ABCC1: variants seen among roughly 807,000 people sequenced by gnomAD.
ABCC1 encodes multidrug resistance-associated protein 1.
In ABCC1, 83 loss-of-function variants were observed where a neutral mutation model predicts 172.9. The observed-to-expected ratio is 0.48, with a 90% CI of 0.40 to 0.58. The LOEUF is 0.58. Ranked by LOEUF, ABCC1 falls within the 20% of genes least tolerant of loss-of-function variation. The pLI, the probability that ABCC1 is intolerant of heterozygous loss-of-function variation, is 0.00. For missense variants in ABCC1, 1,817 were observed against 2,002.7 expected (o/e 0.91, Z 1.77); for synonymous variants, 937 against 825.2 (o/e 1.14, Z -2.32).
At chr16:16,101,199 T>C (rs972054961) in intron 19 of ABCC1, among the ~76,000 whole-genome samples, 1 of 151,898 alleles carries the variant, frequency 6.6e-6, no homozygotes, top group African/African-American at 2.4e-5. Context: ...GCCCAGCTAA[T>C]TTTTGTATTT....
intron 5 of ABCC1, among the ~76,000 whole-genome samples, chr16:16,030,857 T>C (rs997691): frequency 0.4 from 61,125 of 151,740 alleles, 13,921 homozygotes; most frequent in Non-Finnish European, 0.52. Context: ...AGTATTTTTT[T>C]AAATTTTATT....
chr16:15,949,750 G>T lies in ABCC1; in HGVS notation c.-2G>T. On this transcript the variant is annotated 5_prime_UTR_variant, in exon 1 of 31. Coordinates refer to ENST00000399410, the MANE Select transcript of ABCC1 (RefSeq NM_004996.4). ...GTGCCCGCCGCCGCCCGCGCCACCG[G>T]CATGGCGCTCCGGGGCTTCTGCAGC... The T allele has an allele frequency of 8.4e-7, 1 of 1,185,626 alleles. No individual in the cohort carries two copies. Among genetic ancestry groups the T allele is most frequent in the Non-Finnish European group, 1.0e-6 (1 of 956,178 alleles). The allele number at this position is 1,185,626 out of a possible 1,614,324, so 73.4% of individuals were successfully genotyped here.
At chr16:15,953,585 A>G (rs1466036834) in intron 1 of ABCC1, among the ~76,000 whole-genome samples, 1 of 152,156 alleles carries the variant, frequency 6.6e-6, no homozygotes, top group East Asian at 1.9e-4. Flanking sequence ...GCTGCTTGGC[A>G]CACAGCGCTC....
intron 26 of ABCC1, among the ~76,000 whole-genome samples, chr16:16,129,881 G>A (rs1308722945): frequency 1.3e-5 from 2 of 152,184 alleles, no homozygotes; most frequent in Non-Finnish European, 2.9e-5. Flanking sequence ...TGCATGTCTT[G>A]CCTAAAAGTT....
intron 1 of ABCC1, among the ~76,000 whole-genome samples, chr16:15,983,762 G>T (rs938995176): frequency 7.1e-6 from 1 of 139,992 alleles, no homozygotes; most frequent in Admixed American, 7.4e-5. Context: ...CATCATGTTG[G>T]CCAGGCTCCT....
intron 3 of ABCC1, among the ~76,000 whole-genome samples, chr16:16,012,682 C>T (rs1403614318): frequency 6.8e-6 from 1 of 146,460 alleles, no homozygotes; most frequent in Non-Finnish European, 1.5e-5. Flanking sequence ...ATTCCTTGTT[C>T]CTGGTCTTTT....
In ABCC1 at chr16:16,122,031, C is replaced by G; in HGVS notation, c.3447C>G (p.Ser1149=). 31 of 1,614,204 alleles carry G rather than the reference C, an allele frequency of 1.9e-5. No homozygotes were observed. Among genetic ancestry groups the G allele is most frequent in the Non-Finnish European group, 2.6e-5 (31 of 1,180,048 alleles). Residue 1149 remains serine, a synonymous_variant, in exon 24 of 31, where the codon TCC becomes TCG. Transcript: ENST00000399410. ...QLKRLESVSR[S]PVYSHFNETL... ...AGCGCCTCGAGTCGGTCAGCCGCTC[C>G]CCGGTCTATTCCCATTTCAACGAGA...
rs1259310742 is a variant in ABCC1 at position 16,098,924 on chromosome 16, G to A, written c.2645-3703G>A. 3 of 1,351,844 alleles carry A rather than the reference G, an allele frequency of 2.2e-6. No homozygotes were observed. The African/African-American group carries it at 4.4e-5, about 20-fold the overall frequency. The allele number at this position is 1,351,844 out of a possible 1,614,324, so 83.7% of individuals were successfully genotyped here. On this transcript the variant is annotated intron_variant, in intron 19 of 30. Transcript: ENST00000399410. ...GCAGGTCAGTACTGCCCGGGTTGGA[G>A]TTGGCTTGGCTCATAGAATGAGGCC...
intron 14 of ABCC1, among the ~76,000 whole-genome samples, chr16:16,073,799 C>A (rs34820524): frequency 0.11 from 17,052 of 152,182 alleles, 1,089 homozygotes; most frequent in Middle Eastern, 0.22. Context: ...AACTAACTTG[C>A]CTGTGGCTAC....
chr16:16,011,246 A>G (rs930930304), intron 3 of ABCC1, among the ~76,000 whole-genome samples: 3 of 148,740 alleles, frequency 2.0e-5, no homozygotes, highest in Non-Finnish European at 3.0e-5. Context: ...AAAGAAAAAG[A>G]AAAAAAAAAG....
chr16:15,995,993 T>C (rs957809701), intron 1 of ABCC1, among the ~76,000 whole-genome samples: 8 of 136,222 alleles, frequency 5.9e-5, no homozygotes, highest in Admixed American at 7.3e-5. Context: ...TTTTTTTTTT[T>C]TTTTTTTTTG....
intron 14 of ABCC1, among the ~76,000 whole-genome samples, chr16:16,074,671 C>T (rs62032005): frequency 0.06 from 9,108 of 152,292 alleles, 377 homozygotes; most frequent in Non-Finnish European, 0.092. Flanking sequence ...GCTAACCGTT[C>T]TCTGCAACCT....
At chr16:16,067,348 G>T (rs2050150250) in intron 12 of ABCC1, among the ~76,000 whole-genome samples, 1 of 152,166 alleles carries the variant, frequency 6.6e-6, no homozygotes, top group Non-Finnish European at 1.5e-5. Context: ...AACCAGCTCT[G>T]GCTTCCCGTG....
chr16:16,055,689 C>T (rs948722188), intron 11 of ABCC1, among the ~76,000 whole-genome samples: 2 of 152,002 alleles, frequency 1.3e-5, no homozygotes, highest in African/African-American at 4.8e-5. Context: ...TTCCTGGATT[C>T]TAAATTGAGT....
chr16:15,974,236 A>T (rs1321463564), intron 1 of ABCC1, among the ~76,000 whole-genome samples: 1 of 151,990 alleles, frequency 6.6e-6, no homozygotes, highest in East Asian at 1.9e-4. Context: ...TTTATTATTT[A>T]TTTTCTCCTG....
intron 5 of ABCC1, among the ~76,000 whole-genome samples, chr16:16,022,999 A>G (rs1303860853): frequency 6.6e-6 from 1 of 151,976 alleles, no homozygotes; most frequent in Non-Finnish European, 1.5e-5. Context: ...GCAGCCTCCA[A>G]CTCCTGGGCT....
At chr16:16,051,528 C>T (rs937138408) in intron 10 of ABCC1, among the ~76,000 whole-genome samples, 6 of 152,058 alleles carry the variant, frequency 3.9e-5, no homozygotes, top group African/African-American at 7.2e-5. Flanking sequence ...ACACATGGGG[C>T]GGTGTTCAAG....
At chr16:16,117,671 C>T (rs570746575) in intron 23 of ABCC1, among the ~76,000 whole-genome samples, 38 of 152,228 alleles carry the variant, frequency 2.5e-4, no homozygotes, top group African/African-American at 8.7e-4. Context: ...TTTGGGAGGC[C>T]GAGGCGCGTG....
intron 30 of ABCC1, 59 bp from the exon 31 acceptor site, chr16:16,141,114 A>C (rs1348988982): frequency 6.7e-7 from 1 of 1,502,170 alleles, no homozygotes; most frequent in Admixed American, 1.7e-5. Context: ...CAGTTGTCCC[A>C]GGGGCACGAG....
Sources: allele counts gnomAD v4.1 joint callset (sites outside exome capture counted in the v4.1 genomes callset), GRCh38; gene constraint gnomAD v4.1.1; transcripts MANE v1.5; gene names NCBI Gene and HGNC (gene_info 2026-07-23, HGNC 2026-07-21).